The following CHD7 variants were observed in gnomAD, a reference collection of about 807,000 sequenced individuals.
The protein encoded by CHD7 is chromodomain helicase DNA binding protein 7.
A neutral mutation model predicts 307.3 loss-of-function variants in CHD7; 24 were observed. The ratio of observed to expected loss-of-function variants is 0.08; its 90% CI spans 0.06 to 0.11. CHD7 has a LOEUF of 0.11. Ranked by LOEUF, CHD7 falls within the 10% of genes least tolerant of loss-of-function variation. CHD7 has a pLI of 1.00. For missense variants in CHD7, 3,106 were observed against 3,727.1 expected, an observed-to-expected ratio of 0.83 and a Z score of 4.34; for synonymous variants, 1,363 against 1,349.9, an observed-to-expected ratio of 1.01 and a Z score of -0.21.
In CHD7 at chr8:60,866,822, T is replaced by C. The variant is rs770090961; in HGVS notation, c.*889T>C. ...TTTTATTTTTTTCTTTGAAAACTGC[T>C]ATCATGTAAGATAAAATGTAAATTG... On this transcript the variant is annotated 3_prime_UTR_variant, in exon 38 of 38. Transcript: ENST00000423902. 6.6e-6 allele frequency: 1 copy of C among 152,658 alleles called. No individual in the cohort carries two copies. Among genetic ancestry groups the C allele is most frequent in the South Asian group, 2.1e-4 (1 of 4,826 alleles). 9.5% of individuals were successfully genotyped at this position (152,658 alleles called of 1,614,324 possible). A position where few individuals can be genotyped will look rare whatever the true frequency, so the allele number is the denominator to read the frequency against.
intron 27 of CHD7, 79 bp downstream of exon 27, chr8:60,851,183 A>G (rs895792417): frequency 6.7e-7 from 1 of 1,483,748 alleles, no homozygotes; most frequent in South Asian, 1.2e-5. Flanking sequence ...AACTTTATAG[A>G]TAATGACCTT....
At chr8:60,744,732 G>A (rs1809238583) in intron 2 of CHD7, among the ~76,000 whole-genome samples, 1 of 151,556 alleles carries the variant, frequency 6.6e-6, no homozygotes, top group Admixed American at 6.6e-5. Context: ...GTGCATGCCT[G>A]TAGTCCCAGC....
intron 3 of CHD7, among the ~76,000 whole-genome samples, chr8:60,785,509 A>G (rs1377818887): frequency 6.6e-6 from 1 of 152,202 alleles, no homozygotes; most frequent in Non-Finnish European, 1.5e-5. Context: ...TAGTAGTAGT[A>G]TTTGTATAGC....
intron 1 of CHD7, among the ~76,000 whole-genome samples, chr8:60,713,088 T>C (rs1807366505): frequency 6.7e-6 from 1 of 149,718 alleles, no homozygotes; most frequent in Non-Finnish European, 1.5e-5. Context: ...CAGATTAAAT[T>C]GCTATAGAGA....
At position 60,861,093 on chromosome 8, in the gene CHD7, A is replaced by C; in HGVS notation, c.7798A>C (p.Thr2600Pro). 1 of 1,605,024 alleles carries C rather than the reference A, an allele frequency of 6.2e-7. No individual in the cohort carries two copies. Among genetic ancestry groups the C allele is most frequent in the Admixed American group, 1.7e-5 (1 of 58,562 alleles). The change falls in exon 35 of 38, where the codon ACT becomes CCT. Residue 2600 changes from threonine (T) to proline (P), a missense_variant. Physicochemically the swap from Thr to Pro is conservative, Grantham distance 38. This residue lies in a region of CHD7 where 1,030 missense variants were observed against 1,165.4 expected (regional missense o/e 0.88). Coordinates refer to ENST00000423902, the MANE Select transcript of CHD7 (RefSeq NM_017780.4). ...AGTTGAATGGCTGAAGCTGCACCCT[A>C]CTTACACTGTTGATATGCCAAGTTA... ...DLVEWLKLHP[T>P]YTVDMPSYVP...
Position 60,742,504 on chromosome 8 carries a change from G to A in CHD7, c.1072G>A (p.Gly358Ser). ...TGCTGTAGGATTCCCATCAAACAGTGGTCAAGGACTAATGCACCAGCAGCC... is the reference window on the plus strand; with the variant it reads ...TGCTGTAGGATTCCCATCAAACAGTAGTCAAGGACTAATGCACCAGCAGCC... ...PNAVGFPSNS[G>S]QGLMHQQPIH... Residue 358 changes from glycine (G) to serine (S), a missense_variant, in exon 2 of 38, where the codon GGT (glycine) becomes AGT (serine). Physicochemically the swap from Gly to Ser is moderately conservative, Grantham distance 56. Coordinates refer to ENST00000423902, the MANE Select transcript of CHD7 (RefSeq NM_017780.4). The A allele has an allele frequency of 6.2e-7, 1 of 1,613,964 alleles. No individual in the cohort carries two copies. The highest frequency in any genetic ancestry group is 1.1e-5 in the South Asian group (1 of 91,076).
At chr8:60,858,645 T>A (rs925915643) in intron 34 of CHD7, among the ~76,000 whole-genome samples, 1 of 152,274 alleles carries the variant, frequency 6.6e-6, no homozygotes, top group African/African-American at 2.4e-5. Flanking sequence ...TCTCACTCTT[T>A]CGCCCAGGCT....
intron 21 of CHD7, among the ~76,000 whole-genome samples, chr8:60,843,080 CTCA>C: frequency 6.6e-6 from 1 of 152,230 alleles, no homozygotes; most frequent in Non-Finnish European, 1.5e-5. Flanking sequence ...TCCCATCACA[CTCA>C]TCATGTTGTT....
At chr8:60,724,341 G>GA (rs1175409369) in intron 1 of CHD7, among the ~76,000 whole-genome samples, 17 of 152,210 alleles carry the variant, frequency 1.1e-4, no homozygotes, top group African/African-American at 2.7e-4. Flanking sequence ...GAGATACCCT[G>GA]TATGTTTGAG....
At chr8:60,851,467 T>C in intron 28 of CHD7, 148 bp downstream of exon 28, 1 of 632,054 alleles carries the variant, frequency 1.6e-6, no homozygotes, top group Non-Finnish European at 2.8e-6. Flanking sequence ...ATTTTAATTC[T>C]TGTTAATGGC....
Position 60,866,064 on chromosome 8 carries a change from C to T in CHD7, c.*131C>T, listed in dbSNP as rs1806232874. Reference sequence around the variant, plus strand: ...ACATAGTGTAGCAAAAAAAAAAGTTCAAGTCATGTTATACAGGTGTGTCAA... The same window carrying T: ...ACATAGTGTAGCAAAAAAAAAAGTTTAAGTCATGTTATACAGGTGTGTCAA... On this transcript the variant is annotated 3_prime_UTR_variant, in exon 38 of 38. Transcript: ENST00000423902. 9 of 786,592 alleles carry T rather than the reference C, an allele frequency of 1.1e-5. No individual in the cohort carries two copies. In the South Asian group the frequency reaches 1.4e-4, roughly 13 times the overall value. 48.7% of individuals were successfully genotyped at this position (786,592 alleles called of 1,614,324 possible).
chr8:60,813,912 A>G (rs1398702668), intron 7 of CHD7, among the ~76,000 whole-genome samples: 1 of 151,914 alleles, frequency 6.6e-6, no homozygotes, highest in Non-Finnish European at 1.5e-5. Context: ...TTAACTGTCA[A>G]GATTAGGTAT....
intron 2 of CHD7, among the ~76,000 whole-genome samples, chr8:60,754,486 C>A (rs1188100986): frequency 6.6e-6 from 1 of 151,964 alleles, no homozygotes; most frequent in Non-Finnish European, 1.5e-5. Context: ...TCTTTTTTTA[C>A]CTTCTACTCT....
intron 1 of CHD7, among the ~76,000 whole-genome samples, chr8:60,710,076 C>CT (rs1210056051): frequency 0.023 from 3,356 of 143,730 alleles, 128 homozygotes; most frequent in African/African-American, 0.076. Context: ...CCCAATGTCA[C>CT]TTTTTTTTTT....
At chr8:60,804,391 C>T (rs1175373252) in intron 6 of CHD7, among the ~76,000 whole-genome samples, 2 of 151,904 alleles carry the variant, frequency 1.3e-5, no homozygotes, top group African/African-American at 2.4e-5. Context: ...TGAATTGTGA[C>T]TGTATTCCCT....
chr8:60,702,866 G>A (rs1806832715), intron 1 of CHD7, among the ~76,000 whole-genome samples: 1 of 152,218 alleles, frequency 6.6e-6, no homozygotes, highest in African/African-American at 2.4e-5. Flanking sequence ...CTGATAGTTA[G>A]CTGGGGCCAT....
chr8:60,857,246 G>A (rs1228589534), intron 34 of CHD7, among the ~76,000 whole-genome samples: 1 of 152,144 alleles, frequency 6.6e-6, no homozygotes, highest in Non-Finnish European at 1.5e-5. Context: ...ATTAAAATTA[G>A]TATAAATGTT....
chr8:60,834,177 A>T (rs1296485615), intron 15 of CHD7, among the ~76,000 whole-genome samples: 1 of 152,334 alleles, frequency 6.6e-6, no homozygotes, highest in South Asian at 2.1e-4. Flanking sequence ...ATTATTTGTT[A>T]AAAAAATTTA....
At chr8:60,724,311 G>A (rs1808064010) in intron 1 of CHD7, among the ~76,000 whole-genome samples, 1 of 152,190 alleles carries the variant, frequency 6.6e-6, no homozygotes, top group South Asian at 2.1e-4. Context: ...TTTGAGTATT[G>A]TAGATCATCA....
Sources: allele counts gnomAD v4.1 joint callset (sites outside exome capture counted in the v4.1 genomes callset), GRCh38; gene constraint gnomAD v4.1.1; regional missense constraint gnomAD v4.1.1; transcripts MANE v1.5; gene names NCBI Gene and HGNC (gene_info 2026-07-23, HGNC 2026-07-21).